AK5: variants seen among roughly 807,000 people sequenced by gnomAD.
AK5 encodes the protein adenylate kinase isoenzyme 5.
A neutral mutation model predicts 69.5 loss-of-function variants in AK5; 27 were observed. The observed-to-expected ratio is 0.39, with a 90% CI of 0.29 to 0.54. The LOEUF (loss-of-function observed/expected upper bound fraction) is 0.54. Among genes scored for constraint, AK5 ranks in the 20% least tolerant of loss-of-function variants. The pLI is 0.71. For missense variants in AK5, 531 were observed against 700.4 expected (o/e 0.76, Z 2.73); for synonymous variants, 260 against 244.4 (o/e 1.06, Z -0.60).
chr1:77,310,135 A>G (rs1280334798), intron 5 of AK5, among the ~76,000 whole-genome samples: 1 of 152,128 alleles, frequency 6.6e-6, no homozygotes, highest in African/African-American at 2.4e-5. Context: ...ATATAACTTT[A>G]TTGCATGTTT....
At position 77,317,776 on chromosome 1, in the gene AK5, A is replaced by G. The variant is rs183261248; in HGVS notation, c.699+19829A>G. 8.7e-4 allele frequency among the ~76,000 whole-genome samples: 132 copies of G among 152,240 alleles called. 1 individual carries two copies. The Middle Eastern group carries it at 0.01, about 12-fold the overall frequency. ...TGTCCACAAATATGTTTCTCCTTCT[A>G]TGGTTTGATTCAGAATCAAGTACAT... On this transcript the variant is annotated intron_variant, in intron 5 of 13. Coordinates refer to ENST00000354567, the MANE Select transcript of AK5 (RefSeq NM_174858.3).
intron 13 of AK5, among the ~76,000 whole-genome samples, chr1:77,552,431 C>A (rs1410490400): frequency 2.6e-5 from 4 of 152,066 alleles, no homozygotes; most frequent in Non-Finnish European, 5.9e-5. Context: ...TATACAAATA[C>A]TTGGGTTAAG....
chr1:77,394,381 C>T (rs1648694945), intron 6 of AK5, among the ~76,000 whole-genome samples: 1 of 152,132 alleles, frequency 6.6e-6, no homozygotes, highest in African/African-American at 2.4e-5. Flanking sequence ...TCCTATGACA[C>T]TTTCTTTAAT....
Position 77,384,970 on chromosome 1 carries a change from G to A in AK5, c.892-26011G>A, listed in dbSNP as rs1214448888. On this transcript the variant is annotated intron_variant, in intron 6 of 13. Coordinates refer to ENST00000354567, the MANE Select transcript of AK5 (RefSeq NM_174858.3). Reference sequence around the variant, plus strand: ...CAAGTCCTAGCTCTGCCCCTTACTAGATGTAGAACAGTAAGTTTAACTCTT... The same window carrying A: ...CAAGTCCTAGCTCTGCCCCTTACTAAATGTAGAACAGTAAGTTTAACTCTT... Among the ~76,000 whole-genome samples, 3 of 152,074 alleles carry A rather than the reference G, an allele frequency of 2.0e-5. No individual in the cohort carries two copies. The East Asian group carries it at 5.8e-4, about 29-fold the overall frequency.
intron 6 of AK5, among the ~76,000 whole-genome samples, chr1:77,406,704 G>GAAAAAAAAAAAA (rs752481198): frequency 8.2e-4 from 121 of 147,604 alleles, no homozygotes; most frequent in African/African-American, 2.9e-3. Flanking sequence ...CTGATGCTGA[G>GAAAAAAAAAAAA]GAAAAAAAAA....
chr1:77,399,876 G>A (rs1277675764), intron 6 of AK5, among the ~76,000 whole-genome samples: 1 of 152,180 alleles, frequency 6.6e-6, no homozygotes, highest in Non-Finnish European at 1.5e-5. Flanking sequence ...GAGGATTGCT[G>A]GGCAGTAGCC....
intron 6 of AK5, among the ~76,000 whole-genome samples, chr1:77,383,891 A>G (rs180734017): frequency 4.4e-4 from 67 of 152,296 alleles, no homozygotes; most frequent in Admixed American, 7.8e-4. Flanking sequence ...TTAAAATGTA[A>G]TATAATTGCT....
chr1:77,558,082 A>C (rs1007605108), intron 13 of AK5, among the ~76,000 whole-genome samples: 1 of 152,186 alleles, frequency 6.6e-6, no homozygotes. Context: ...TGGATATATC[A>C]GTTTATCCAT....
chr1:77,324,001 G>A (rs531822387), intron 5 of AK5, among the ~76,000 whole-genome samples: 37 of 152,282 alleles, frequency 2.4e-4, no homozygotes, highest in African/African-American at 8.2e-4. Flanking sequence ...AGAAGACCAG[G>A]GTGAAAGCAG....
chr1:77,391,509 A>G (rs1348100582), intron 6 of AK5, among the ~76,000 whole-genome samples: 20 of 73,354 alleles, frequency 2.7e-4, no homozygotes, highest in South Asian at 9.9e-4. Flanking sequence ...ATATATATAT[A>G]TATATATATA....
At chr1:77,446,403 T>C (rs1167281233) in intron 8 of AK5, among the ~76,000 whole-genome samples, 2 of 152,234 alleles carry the variant, frequency 1.3e-5, no homozygotes, top group Admixed American at 1.3e-4. Context: ...TTGCTTTGGG[T>C]ATTCAGGATC....
At chr1:77,335,353 T>C (rs1661291227) in intron 5 of AK5, among the ~76,000 whole-genome samples, 1 of 150,204 alleles carries the variant, frequency 6.7e-6, no homozygotes, top group Admixed American at 6.7e-5. Flanking sequence ...TTTACTTCCA[T>C]GTAGACAAAA....
intron 5 of AK5, among the ~76,000 whole-genome samples, chr1:77,311,617 C>T (rs971837948): frequency 6.6e-6 from 1 of 152,052 alleles, no homozygotes; most frequent in African/African-American, 2.4e-5. Context: ...TAAAGATAAA[C>T]ACTCCATAGA....
At chr1:77,365,114 G>A (rs1415030495) in intron 6 of AK5, among the ~76,000 whole-genome samples, 1 of 152,086 alleles carries the variant, frequency 6.6e-6, no homozygotes, top group Admixed American at 6.5e-5. Context: ...TTTCCTTGAT[G>A]ATTAGTGATA....
Position 77,293,806 on chromosome 1 carries a change from C to T in AK5, c.261C>T (p.Asn87=). ...ACTCTTTTGCAGTAATGCCTGAAAA[C>T]TCAAACTTTCCATATCGGCGGTATG... ...RSFLRNVMPE[N]SNFPYRRYDR... Residue 87 remains asparagine, a synonymous_variant, in exon 3 of 14, where the codon AAC becomes AAT. Coordinates refer to ENST00000354567, the MANE Select transcript of AK5 (RefSeq NM_174858.3). 2 of 1,599,948 alleles carry T rather than the reference C, an allele frequency of 1.3e-6. No homozygotes were observed. Among genetic ancestry groups the T allele is most frequent in the Non-Finnish European group, 1.7e-6 (2 of 1,175,414 alleles).
intron 6 of AK5, among the ~76,000 whole-genome samples, chr1:77,356,769 T>C (rs1037301735): frequency 5.9e-5 from 9 of 152,220 alleles, no homozygotes; most frequent in Admixed American, 5.9e-4. Context: ...TGCTATGTAC[T>C]TTCACATACT....
At chr1:77,314,221 C>T (rs1404598979) in intron 5 of AK5, 4 of 267,956 alleles carry the variant, frequency 1.5e-5, no homozygotes, top group South Asian at 4.1e-5. Flanking sequence ...CTCCAAGTCA[C>T]ATGTATCAAG....
At chr1:77,503,808 G>GGCAGGAGAATTGCTTGAAC (rs1656867224) in intron 10 of AK5, among the ~76,000 whole-genome samples, 1 of 152,040 alleles carries the variant, frequency 6.6e-6, no homozygotes, top group Non-Finnish European at 1.5e-5. Context: ...AGAAGGCTGA[G>GGCAGGAGAATTGCTTGAAC]GCAGGAGAAT....
chr1:77,282,124 G>T lies in AK5; in HGVS notation c.-190G>T. 2.2e-6 allele frequency: 1 copy of T among 448,362 alleles called. No individual in the cohort carries two copies. Among genetic ancestry groups the T allele is most frequent in the Admixed American group, 4.5e-5 (1 of 22,448 alleles). 27.8% of individuals were successfully genotyped at this position (448,362 alleles called of 1,614,324 possible). A position where few individuals can be genotyped will look rare whatever the true frequency, so the allele number is the denominator to read the frequency against. On this transcript the variant is annotated 5_prime_UTR_variant, in exon 1 of 14. Coordinates refer to ENST00000354567, the MANE Select transcript of AK5 (RefSeq NM_174858.3). ...GAAGCGGGGGCGGCGGGAGCGCGGAGACCACAGCCCCCGGGGAGAGGCGGA... is the reference window on the plus strand; with the variant it reads ...GAAGCGGGGGCGGCGGGAGCGCGGATACCACAGCCCCCGGGGAGAGGCGGA...
Sources: allele counts gnomAD v4.1 joint callset (sites outside exome capture counted in the v4.1 genomes callset), GRCh38; gene constraint gnomAD v4.1.1; transcripts MANE v1.5; gene names NCBI Gene and HGNC (gene_info 2026-07-23, HGNC 2026-07-21).